Variants in SMIM13 observed in about 807,000 individuals in gnomAD.
SMIM13 encodes the protein UPF0766 protein C6orf228.
In SMIM13, 3 loss-of-function variants were observed where a neutral mutation model predicts 5.9. The observed-to-expected ratio is 0.51, with a 90% CI of 0.23 to 1.31. The LOEUF is 1.31. Among genes scored for constraint, SMIM13 ranks in the 40% most tolerant of loss-of-function variants. The probability of loss-of-function intolerance (pLI) is 0.18; values close to 1 mark genes in which losing one functional copy is unlikely to be tolerated. For synonymous variants in SMIM13, 55 were observed against 46.0 expected (o/e 1.19, Z -0.79); for missense variants, 85 against 109.9 (o/e 0.77, Z 1.01).
Position 11,117,475 on chromosome 6 carries a change from G to A in SMIM13, c.77-16928G>A, listed in dbSNP as rs566871083. On this transcript the variant is annotated intron_variant, in intron 1 of 1. Transcript: ENST00000416247. ...CAGTCGTGAGCCACCATGCCTGGCC[G>A]ACGTTTAATAGTTGTTTGTAAGTAT... Among the ~76,000 whole-genome samples the A allele has an allele frequency of 9.9e-5, 15 of 151,714 alleles. No homozygotes were observed. The East Asian group carries it at 2.9e-3, about 29-fold the overall frequency.
intron 1 of SMIM13, among the ~76,000 whole-genome samples, chr6:11,130,362 T>C (rs1033213813): frequency 1.3e-5 from 2 of 152,086 alleles, no homozygotes; most frequent in Admixed American, 1.3e-4. Flanking sequence ...TACCTCACAG[T>C]GTTTTGTGAG....
chr6:11,113,873 G>A (rs951826018), intron 1 of SMIM13, among the ~76,000 whole-genome samples: 5 of 151,454 alleles, frequency 3.3e-5, no homozygotes, highest in East Asian at 2.0e-4. Flanking sequence ...CACCGCACCC[G>A]GCTGCCTTTT....
In SMIM13 at chr6:11,094,273, C is replaced by T. The variant is rs568361439; in HGVS notation, c.-41C>T. 155 of 1,298,352 alleles carry T rather than the reference C, an allele frequency of 1.2e-4. No homozygotes were observed. The African/African-American group carries it at 2.1e-3, about 18-fold the overall frequency. The allele number at this position is 1,298,352 out of a possible 1,614,324, so 80.4% of individuals were successfully genotyped here. ...GCCGCCGCCCGCGCTCACCGCCGTC[C>T]GCGCCAGCCGCCCCGAGCCGACTGC... On this transcript the variant is annotated 5_prime_UTR_variant, in exon 1 of 2. Coordinates refer to ENST00000416247, the MANE Select transcript of SMIM13 (RefSeq NM_001135575.2).
At chr6:11,118,727 C>G (rs1758272604) in intron 1 of SMIM13, among the ~76,000 whole-genome samples, 1 of 152,142 alleles carries the variant, frequency 6.6e-6, no homozygotes, top group Non-Finnish European at 1.5e-5. Context: ...TATCTGTATT[C>G]TTTGCCTTAG....
At position 11,108,447 on chromosome 6, in the gene SMIM13, C is replaced by G. The variant is rs559810891; in HGVS notation, c.76+14058C>G. Among the ~76,000 whole-genome samples, 3 of 152,296 alleles carry G rather than the reference C, an allele frequency of 2.0e-5. No individual in the cohort carries two copies. In the South Asian group the frequency reaches 6.2e-4, roughly 32 times the overall value. ...GATGTCCTGAGGGCCTTTCAGCTTT[C>G]AGGGTAGTCCTGTTTCCCAGTGGCC... is the stretch of plus-strand genomic sequence containing the variant. On this transcript the variant is annotated intron_variant, in intron 1 of 1. Coordinates refer to ENST00000416247, the MANE Select transcript of SMIM13 (RefSeq NM_001135575.2).
At chr6:11,124,063 A>G (rs1758345939) in intron 1 of SMIM13, among the ~76,000 whole-genome samples, 1 of 152,172 alleles carries the variant, frequency 6.6e-6, no homozygotes, top group Non-Finnish European at 1.5e-5. Context: ...TGTTGACTGT[A>G]ATCACCCTGA....
intron 1 of SMIM13, among the ~76,000 whole-genome samples, chr6:11,132,081 G>T (rs1223816265): frequency 6.6e-6 from 1 of 151,914 alleles, no homozygotes; most frequent in Non-Finnish European, 1.5e-5. Context: ...ATAATAAAAA[G>T]ACAAGCAACT....
At chr6:11,104,181 G>A (rs1219467691) in intron 1 of SMIM13, 2 of 1,551,728 alleles carry the variant, frequency 1.3e-6, no homozygotes, top group Admixed American at 2.0e-5. Context: ...GGTGAGGGAA[G>A]CTTTTGTGAT....
chr6:11,096,421 G>C (rs1757924582), intron 1 of SMIM13, among the ~76,000 whole-genome samples: 1 of 152,214 alleles, frequency 6.6e-6, no homozygotes, highest in African/African-American at 2.4e-5. Context: ...GGAGAGCCCT[G>C]TGCTAGGACA....
intron 1 of SMIM13, among the ~76,000 whole-genome samples, chr6:11,120,048 G>T (rs993221186): frequency 6.6e-6 from 1 of 152,136 alleles, no homozygotes; most frequent in African/African-American, 2.4e-5. Context: ...ATGGAAATAA[G>T]GTAATAAGAT....
chr6:11,120,398 T>C (rs928643613), intron 1 of SMIM13, among the ~76,000 whole-genome samples: 1 of 152,182 alleles, frequency 6.6e-6, no homozygotes, highest in Non-Finnish European at 1.5e-5. Context: ...TCCTGGTTCA[T>C]AGATGTCTGT....
intron 1 of SMIM13, among the ~76,000 whole-genome samples, chr6:11,098,584 A>T (rs1757953498): frequency 6.6e-6 from 1 of 152,176 alleles, no homozygotes; most frequent in African/African-American, 2.4e-5. Flanking sequence ...GGTGTCAGCC[A>T]CCATGCCCAG....
intron 1 of SMIM13, chr6:11,105,421 C>A: frequency 1.3e-6 from 1 of 773,484 alleles, no homozygotes; most frequent in East Asian, 2.7e-5. Flanking sequence ...AGTAAAATTT[C>A]TAGTATTGGG....
At chr6:11,106,249 G>T (rs1273787617) in intron 1 of SMIM13, among the ~76,000 whole-genome samples, 1 of 152,212 alleles carries the variant, frequency 6.6e-6, no homozygotes, top group African/African-American at 2.4e-5. Flanking sequence ...TACCCATCCT[G>T]TGAAGGTGTC....
In SMIM13 at chr6:11,093,855, GC is replaced by G. The variant is rs1757884672; in HGVS notation, c.-457del. On this transcript the variant is annotated 5_prime_UTR_variant, in exon 1 of 2. Transcript: ENST00000416247. ...GGGCGGAGAAGCCGCTACAGCCGCGGCCGGGCGACGCTGACATCTGGCATCC... is the reference window on the plus strand; with the variant it reads ...GGGCGGAGAAGCCGCTACAGCCGCGGCGGGCGACGCTGACATCTGGCATCC... Among the ~76,000 whole-genome samples the G allele has an allele frequency of 6.6e-6, 1 of 152,246 alleles. No individual in the cohort carries two copies. The highest frequency in any genetic ancestry group is 2.4e-5 in the African/African-American group (1 of 41,458).
rs542244548 is a variant in SMIM13, at chr6:11,104,249, G to T, written c.76+9860G>T. 2.5e-4 allele frequency: 383 copies of T among 1,551,722 alleles called. 9 individuals carry two copies. In the South Asian group the frequency reaches 4.2e-3, roughly 17 times the overall value. On this transcript the variant is annotated intron_variant, in intron 1 of 1. Transcript: ENST00000416247. ...TGCCGAGTCCCGCGAGAAGGGGAAT[G>T]AAATGGATTGCCCTCCTCACCCTGG...
At chr6:11,098,605 G>T (rs1162810831) in intron 1 of SMIM13, among the ~76,000 whole-genome samples, 2 of 152,074 alleles carry the variant, frequency 1.3e-5, no homozygotes, top group African/African-American at 4.8e-5. Flanking sequence ...CTAATTTTTT[G>T]TATTTTTAGT....
rs993343739 is a variant in SMIM13, at chr6:11,093,891, CAG to C, written c.-419_-418del. ...CTGACATCTGGCATCCCTGGGGTCT[CAG>C]AGACACGGGTGGACAGCGACGAGGG... On this transcript the variant is annotated 5_prime_UTR_variant, in exon 1 of 2. Transcript: ENST00000416247. 6.6e-6 allele frequency: 1 copy of C among 152,370 alleles called. No homozygotes were observed. Among genetic ancestry groups the C allele is most frequent in the African/African-American group, 2.4e-5 (1 of 41,466 alleles). The allele number at this position is 152,370 out of a possible 1,614,324, so 9.4% of individuals were successfully genotyped here. A position where few individuals can be genotyped will look rare whatever the true frequency, so the allele number is the denominator to read the frequency against.
At chr6:11,098,684 C>T (rs558737227) in intron 1 of SMIM13, among the ~76,000 whole-genome samples, 4 of 152,318 alleles carry the variant, frequency 2.6e-5, no homozygotes, top group South Asian at 2.1e-4. Context: ...CCACTTGCCC[C>T]GGGCTCCCAG....
Sources: allele counts gnomAD v4.1 joint callset (sites outside exome capture counted in the v4.1 genomes callset), GRCh38; gene constraint gnomAD v4.1.1; transcripts MANE v1.5; gene names NCBI Gene and HGNC (gene_info 2026-07-23, HGNC 2026-07-21).